Variants in LRRC2 observed in about 807,000 individuals in gnomAD.
LRRC2 encodes leucine rich repeat containing 2, also known as leucine-rich repeat-containing protein 2.
In LRRC2, 27 loss-of-function variants were observed where a neutral mutation model predicts 40.2. The ratio of observed to expected loss-of-function variants is 0.67; its 90% CI spans 0.49 to 0.93. The LOEUF (loss-of-function observed/expected upper bound fraction) is 0.93, where lower values mean the gene tolerates loss of function less well. Ranked by LOEUF, LRRC2 falls within the 40% of genes least tolerant of loss-of-function variation. LRRC2 has a pLI of 0.00. For synonymous variants in LRRC2, 147 were observed against 158.9 expected (o/e 0.92, Z 0.56); for missense variants, 402 against 439.6 (o/e 0.91, Z 0.76).
At chr3:46,536,700 G>A (rs1014709593) in intron 4 of LRRC2, among the ~76,000 whole-genome samples, 2 of 152,158 alleles carry the variant, frequency 1.3e-5, no homozygotes, top group East Asian at 1.9e-4. Flanking sequence ...GATCTTGGGC[G>A]TTTAGATTTT....
chr3:46,527,497 A>C lies in LRRC2; in HGVS notation c.858T>G (p.Thr286=). ...PYSMLNLKKL[T]LLVVSGDHLV... ...AATGGTCCCCACTGACGACTAACAG[A>C]GTGAGCTTCTTCAGGTTCAGCATGG... Residue 286 remains threonine, a synonymous_variant, in exon 7 of 9, where the codon ACT becomes ACG. Coordinates refer to ENST00000395905, the MANE Select transcript of LRRC2 (RefSeq NM_024512.5). 12 of 1,614,006 alleles carry C rather than the reference A, an allele frequency of 7.4e-6. No individual in the cohort carries two copies. Among genetic ancestry groups the C allele is most frequent in the Non-Finnish European group, 1.0e-5 (12 of 1,179,914 alleles).
At chr3:46,559,865 G>A (rs1284263682) in intron 1 of LRRC2, among the ~76,000 whole-genome samples, 3 of 152,262 alleles carry the variant, frequency 2.0e-5, no homozygotes, top group Non-Finnish European at 4.4e-5. Flanking sequence ...TTTTTAAAAA[G>A]CAGGAAAAGA....
At chr3:46,549,641 G>C (rs1704600315) in intron 2 of LRRC2, among the ~76,000 whole-genome samples, 1 of 152,216 alleles carries the variant, frequency 6.6e-6, no homozygotes, top group Non-Finnish European at 1.5e-5. Context: ...GCGTGAAGCT[G>C]TTTAACACCT....
chr3:46,552,185 C>T (rs765397764), intron 1 of LRRC2, among the ~76,000 whole-genome samples: 15 of 152,086 alleles, frequency 9.9e-5, no homozygotes, highest in African/African-American at 3.6e-4. Flanking sequence ...TCAAACTTCA[C>T]GGTTCCACAT....
intron 4 of LRRC2, 23 bp from the exon 5 acceptor site, chr3:46,532,932 T>A (rs2106998310): frequency 6.2e-7 from 1 of 1,611,244 alleles, no homozygotes; most frequent in Non-Finnish European, 8.5e-7. Context: ...AAAGTTAACA[T>A]CCATTGAATA....
intron 2 of LRRC2, among the ~76,000 whole-genome samples, chr3:46,547,893 T>C (rs914648074): frequency 1.3e-5 from 2 of 152,166 alleles, no homozygotes; most frequent in Admixed American, 6.5e-5. Context: ...GAATTTTAAA[T>C]ATCTACCTGT....
intron 3 of LRRC2, among the ~76,000 whole-genome samples, chr3:46,543,709 G>A (rs186199517): frequency 6.6e-5 from 10 of 152,016 alleles, no homozygotes; most frequent in African/African-American, 1.2e-4. Flanking sequence ...ATGAGGGCTC[G>A]TGACAGGTTC....
chr3:46,537,840 T>G (rs139079419), intron 4 of LRRC2, among the ~76,000 whole-genome samples: 49 of 152,354 alleles, frequency 3.2e-4, no homozygotes, highest in Non-Finnish European at 6.0e-4. Context: ...CATACTGATG[T>G]GAGTTGCACT....
rs1430370342 is a variant in LRRC2 at position 46,518,172 on chromosome 3, A to G, written c.*842T>C. The G allele has an allele frequency of 6.6e-6, 1 of 152,114 alleles. No individual in the cohort carries two copies. The highest frequency in any genetic ancestry group is 1.5e-5 in the Non-Finnish European group (1 of 68,028). 9.4% of individuals were successfully genotyped at this position (152,114 alleles called of 1,614,324 possible). ...CAGCCTTTGTTTCTTCAAGGCCTAGATTGTACCTACAAGTCTCTCCTGGGA... is the reference window on the plus strand; with the variant it reads ...CAGCCTTTGTTTCTTCAAGGCCTAGGTTGTACCTACAAGTCTCTCCTGGGA... On this transcript the variant is annotated 3_prime_UTR_variant, in exon 9 of 9. Transcript: ENST00000395905.
chr3:46,523,105 TA>T (rs1391033905), intron 7 of LRRC2, among the ~76,000 whole-genome samples: 1 of 152,210 alleles, frequency 6.6e-6, no homozygotes, highest in African/African-American at 2.4e-5. Context: ...GGAGAGAGTT[TA>T]AAAGTTGTAA....
intron 5 of LRRC2, among the ~76,000 whole-genome samples, chr3:46,530,973 G>A (rs531003157): frequency 1.7e-4 from 26 of 152,186 alleles, no homozygotes; most frequent in African/African-American, 5.1e-4. Flanking sequence ...AAATAATATC[G>A]TTAAGGATAA....
chr3:46,547,040 T>G (rs1020624784), intron 2 of LRRC2, among the ~76,000 whole-genome samples: 5 of 152,220 alleles, frequency 3.3e-5, no homozygotes, highest in Non-Finnish European at 7.3e-5. Context: ...TGCCCCTCTC[T>G]TGGTGTCAGT....
intron 1 of LRRC2, among the ~76,000 whole-genome samples, chr3:46,554,955 T>A (rs1704757251): frequency 6.6e-6 from 1 of 152,226 alleles, no homozygotes; most frequent in South Asian, 2.1e-4. Flanking sequence ...TGAAGAGGTA[T>A]CTTGTTGTTT....
chr3:46,550,377 C>CTTTTTTTT (rs34602158), intron 2 of LRRC2, among the ~76,000 whole-genome samples: 5 of 84,006 alleles, frequency 6.0e-5, no homozygotes, highest in African/African-American at 1.5e-4. Flanking sequence ...CCTTACACAT[C>CTTTTTTTT]TTTTTTTTTT....
In LRRC2 at chr3:46,551,478, G is replaced by A. The variant is rs141237541; in HGVS notation, c.114C>T (p.Ser38=). The A allele has an allele frequency of 3.4e-4, 546 of 1,612,318 alleles. No individual in the cohort carries two copies. The African/African-American group carries it at 5.4e-3, about 16-fold the overall frequency. ...GAGAAAACACGTACTTCTCCAAGGCGCTCTTCTCAAGCCTTTCCACCTCCT... is the reference window on the plus strand; with the variant it reads ...GAGAAAACACGTACTTCTCCAAGGCACTCTTCTCAAGCCTTTCCACCTCCT... ...QKKEVERLEK[S]ALEKIKEEWN... The change falls in exon 2 of 9, where the codon AGC becomes AGT. Residue 38 remains serine, a synonymous_variant. Coordinates refer to ENST00000395905, the MANE Select transcript of LRRC2 (RefSeq NM_024512.5).
At chr3:46,525,611 T>G (rs1439305305) in intron 7 of LRRC2, among the ~76,000 whole-genome samples, 1 of 152,276 alleles carries the variant, frequency 6.6e-6, no homozygotes, top group African/African-American at 2.4e-5. Context: ...AAATTATTAT[T>G]ACTGTCCTTA....
chr3:46,517,028 G>A lies in LRRC2; in HGVS notation c.*1986C>T, dbSNP rs1195922135. The A allele has an allele frequency of 6.6e-6, 1 of 152,160 alleles. No homozygotes were observed. The highest frequency in any genetic ancestry group is 2.4e-5 in the African/African-American group (1 of 41,418). The allele number at this position is 152,160 out of a possible 1,614,324, so 9.4% of individuals were successfully genotyped here. A position where few individuals can be genotyped will look rare whatever the true frequency, so the allele number is the denominator to read the frequency against. ...AATTTTCCATCAGGTCAAACCCAAG[G>A]CTGGAGTTAAATGTGGCTATTTAAA... On this transcript the variant is annotated 3_prime_UTR_variant, in exon 9 of 9. Transcript: ENST00000395905.
chr3:46,550,094 A>C (rs1704610933), intron 2 of LRRC2, among the ~76,000 whole-genome samples: 1 of 152,212 alleles, frequency 6.6e-6, no homozygotes, highest in Non-Finnish European at 1.5e-5. Flanking sequence ...ATCTCAGATT[A>C]GTGGCAAGAG....
At position 46,527,527 on chromosome 3, in the gene LRRC2, G is replaced by C. The variant is rs1704081836; in HGVS notation, c.828C>G (p.Pro276=). The change falls in exon 7 of 9, where the codon CCC becomes CCG. Residue 276 remains proline, a synonymous_variant. Coordinates refer to ENST00000395905, the MANE Select transcript of LRRC2 (RefSeq NM_024512.5). ...GCTTCTTCAGGTTCAGCATGGAATAGGGAAGGTAGGTCAACTTGTTTTTAT... is the reference window on the plus strand; with the variant it reads ...GCTTCTTCAGGTTCAGCATGGAATACGGAAGGTAGGTCAACTTGTTTTTAT... The part of the protein sequence containing the change: ...LLYKNKLTYL[P]YSMLNLKKLT... 6.2e-7 allele frequency: 1 copy of C among 1,613,952 alleles called. No individual in the cohort carries two copies. The highest frequency in any genetic ancestry group is 2.2e-5 in the East Asian group (1 of 44,874).
Sources: allele counts gnomAD v4.1 joint callset (sites outside exome capture counted in the v4.1 genomes callset), GRCh38; gene constraint gnomAD v4.1.1; transcripts MANE v1.5; gene names NCBI Gene and HGNC (gene_info 2026-07-23, HGNC 2026-07-21).